The following CLMN variants were observed in gnomAD, a reference collection of about 807,000 sequenced individuals.
CLMN encodes the protein calmin (calponin-like, transmembrane).
Under a neutral mutation model 92.7 loss-of-function variants are expected in CLMN, and 57 were observed. That is an observed-to-expected ratio of 0.61 (90% confidence interval 0.50 to 0.77). The LOEUF (loss-of-function observed/expected upper bound fraction) is 0.77. CLMN is among the 30% of genes least tolerant of loss of function. CLMN has a pLI of 0.00. For missense variants in CLMN, 1,158 were observed against 1,237.5 expected (o/e 0.94, Z 0.96); for synonymous variants, 466 against 470.6 (o/e 0.99, Z 0.13).
chr14:95,194,365 A>C lies in CLMN; in HGVS notation c.2769+171T>G. 1.4e-6 allele frequency: 2 copies of C among 1,451,086 alleles called. No individual in the cohort carries two copies. Among genetic ancestry groups the C allele is most frequent in the Non-Finnish European group, 1.8e-6 (2 of 1,101,866 alleles). 89.9% of individuals were successfully genotyped at this position (1,451,086 alleles called of 1,614,324 possible). ...TTACATCTCTTATTGCCCAAACCGG[A>C]TATCCGATCGGACTGTGCTTAATGA... is the stretch of plus-strand genomic sequence containing the variant. On this transcript the variant is annotated intron_variant, in intron 11 of 12. Transcript: ENST00000298912. This position sits in a 1 kb window ranked among gnomAD's most constrained non-coding sequence, Gnocchi z 4.0.
At chr14:95,285,913 C>T (rs1900323798) in intron 1 of CLMN, among the ~76,000 whole-genome samples, 1 of 152,204 alleles carries the variant, frequency 6.6e-6, no homozygotes, top group Admixed American at 6.5e-5. Flanking sequence ...AATCCTTCTG[C>T]ACTCAGCACT....
At chr14:95,246,936 T>C (rs1189391896) in intron 1 of CLMN, among the ~76,000 whole-genome samples, 2 of 152,198 alleles carry the variant, frequency 1.3e-5, no homozygotes, top group Non-Finnish European at 2.9e-5. Flanking sequence ...TCTAACCTCA[T>C]CAATTCTAGG....
chr14:95,253,944 G>T (rs577356144), intron 1 of CLMN, among the ~76,000 whole-genome samples: 3 of 152,302 alleles, frequency 2.0e-5, no homozygotes, highest in African/African-American at 7.2e-5. Context: ...CCCAGGACCT[G>T]ACTGAAAAGA....
chr14:95,279,540 T>G (rs925982671), intron 1 of CLMN, among the ~76,000 whole-genome samples: 1 of 152,218 alleles, frequency 6.6e-6, no homozygotes, highest in Admixed American at 6.5e-5. Flanking sequence ...TCCCAGCACT[T>G]TGGGAGGCCC....
intron 12 of CLMN, chr14:95,193,555 T>A (rs1425691040): frequency 1.5e-6 from 1 of 666,460 alleles, no homozygotes; most frequent in East Asian, 2.7e-5. Context: ...CACCCTATAC[T>A]CTATACCACT....
At chr14:95,316,338 AG>A in intron 1 of CLMN, among the ~76,000 whole-genome samples, 1 of 152,376 alleles carries the variant, frequency 6.6e-6, no homozygotes, top group East Asian at 1.9e-4. Context: ...AGGGTGGCAC[AG>A]GCAGTCTGCC....
chr14:95,203,670 G>A lies in CLMN; in HGVS notation c.1679C>T (p.Pro560Leu), dbSNP rs2140575975. 1.2e-6 allele frequency: 2 copies of A among 1,614,110 alleles called. No homozygotes were observed. Among genetic ancestry groups the A allele is most frequent in the East Asian group, 4.5e-5 (2 of 44,882 alleles). ...GCTGTTAAATTTTGAGGCTTTTAAT[G>A]GGATGGCTTCAAAATAGTCTCCCTC... ...LEEGDYFEAIPLKASKFNSDL... is the reference protein window; with the variant it reads ...LEEGDYFEAILLKASKFNSDL... Residue 560 changes from proline to leucine, a missense_variant, in exon 9 of 13, where the codon CCA (proline) becomes CTA (leucine). Transcript: ENST00000298912.
At position 95,182,568 on chromosome 14, in the gene CLMN, T is replaced by C. The variant is rs892701337; in HGVS notation, c.*8996A>G. ...AGGGCAGGTGTCCCCTGCACCACATTCCCTCCCCACAGCTACCGCCCCTAC... is the reference window on the plus strand; with the variant it reads ...AGGGCAGGTGTCCCCTGCACCACATCCCCTCCCCACAGCTACCGCCCCTAC... On this transcript the variant is annotated 3_prime_UTR_variant, in exon 13 of 13. Coordinates refer to ENST00000298912, the MANE Select transcript of CLMN (RefSeq NM_024734.4). The C allele has an allele frequency of 4.0e-5, 6 of 151,606 alleles. No individual in the cohort carries two copies. Among genetic ancestry groups the C allele is most frequent in the Admixed American group, 1.3e-4 (2 of 15,220 alleles). The allele number at this position is 151,606 out of a possible 1,614,324, so 9.4% of individuals were successfully genotyped here.
At chr14:95,242,244 CTTTTTCTTTTTTTTT>C (rs1898272412) in intron 1 of CLMN, among the ~76,000 whole-genome samples, 1 of 98,882 alleles carries the variant, frequency 1.0e-5, no homozygotes, top group Non-Finnish European at 2.1e-5. Flanking sequence ...TTTCTTTTTT[CTTTTTCTTTTTTTTT>C]TTTTTTTTTT....
intron 3 of CLMN, among the ~76,000 whole-genome samples, chr14:95,223,303 G>A (rs994036354): frequency 6.6e-6 from 1 of 152,184 alleles, no homozygotes; most frequent in African/African-American, 2.4e-5. Context: ...GAGAAGTCTG[G>A]CTAATGTCCA....
intron 1 of CLMN, among the ~76,000 whole-genome samples, chr14:95,248,945 T>G (rs1898677065): frequency 6.6e-6 from 1 of 152,198 alleles, no homozygotes; most frequent in Non-Finnish European, 1.5e-5. Flanking sequence ...TGATCTTCTG[T>G]CTTCAACACC....
chr14:95,289,899 T>A (rs1900497159), intron 1 of CLMN, among the ~76,000 whole-genome samples: 1 of 152,062 alleles, frequency 6.6e-6, no homozygotes, highest in Non-Finnish European at 1.5e-5. Flanking sequence ...GCTTGTCACC[T>A]CCCCCACCAG....
intron 4 of CLMN, among the ~76,000 whole-genome samples, chr14:95,221,359 C>T (rs971753574): frequency 2.0e-5 from 3 of 152,188 alleles, no homozygotes; most frequent in Non-Finnish European, 4.4e-5. Flanking sequence ...CGGACATGCT[C>T]GCCATACTCT....
intron 8 of CLMN, among the ~76,000 whole-genome samples, chr14:95,205,603 G>A (rs891001227): frequency 9.2e-5 from 14 of 151,924 alleles, no homozygotes; most frequent in Non-Finnish European, 1.2e-4. Flanking sequence ...AAGGTATTGA[G>A]GATTAAAACA....
chr14:95,293,153 C>T lies in CLMN; in HGVS notation c.82+26558G>A, dbSNP rs1215533519. ...CCTCCCTCCTTCCCTCCCTTCTTCCCTCCTTCCCTCTCTCCTTCCTTCCCT... is the reference window on the plus strand; with the variant it reads ...CCTCCCTCCTTCCCTCCCTTCTTCCTTCCTTCCCTCTCTCCTTCCTTCCCT... On this transcript the variant is annotated intron_variant, in intron 1 of 12. Transcript: ENST00000298912. Among the ~76,000 whole-genome samples the T allele has an allele frequency of 5.3e-4, 65 of 122,444 alleles. No homozygotes were observed. In the South Asian group the frequency reaches 5.4e-3, roughly 10 times the overall value. The allele number at this position is 122,444 out of a possible 152,430, so 80.3% of individuals were successfully genotyped here. A position where few individuals can be genotyped will look rare whatever the true frequency, so the allele number is the denominator to read the frequency against.
chr14:95,203,229 C>T lies in CLMN; in HGVS notation c.2120G>A (p.Gly707Asp). ...GGGTGGGGAGGGCTTGAAATCCAGG[C>T]CTTCTTCGCTGTGACTCCCAAGGGT... Reference protein sequence around the residue: ...LETLGSHSEEGLDFKPSPPLS... With the variant: ...LETLGSHSEEDLDFKPSPPLS... Residue 707 changes from glycine (G) to aspartate (D), a missense_variant, in exon 9 of 13, where the codon GGC (glycine) becomes GAC (aspartate). Transcript: ENST00000298912. 6.2e-7 allele frequency: 1 copy of T among 1,613,850 alleles called. No individual in the cohort carries two copies. The highest frequency in any genetic ancestry group is 8.5e-7 in the Non-Finnish European group (1 of 1,180,018).
chr14:95,275,218 C>T (rs929758614), intron 1 of CLMN, among the ~76,000 whole-genome samples: 1 of 152,066 alleles, frequency 6.6e-6, no homozygotes, highest in Non-Finnish European at 1.5e-5. Flanking sequence ...TAGGCTGAGA[C>T]CTACAGGGCT....
At chr14:95,193,427 A>G in intron 12 of CLMN, 1 of 1,508,586 alleles carries the variant, frequency 6.6e-7, no homozygotes, top group South Asian at 1.2e-5. Flanking sequence ...TGCAGTGGCA[A>G]CAGAGAATGG....
chr14:95,258,563 T>C (rs1298338792), intron 1 of CLMN, among the ~76,000 whole-genome samples: 1 of 148,210 alleles, frequency 6.7e-6, no homozygotes, highest in African/African-American at 2.5e-5. Flanking sequence ...GGTGTGGTTG[T>C]GTGTGAAGGG....
Sources: gnomAD v4.1 joint callset for allele counts (sites outside exome capture counted in the v4.1 genomes callset) on GRCh38, gnomAD v4.1.1 for gene constraint, Gnocchi (gnomAD v3.1) non-coding constraint, MANE v1.5 for transcripts, NCBI Gene and HGNC (gene_info 2026-07-23, HGNC 2026-07-21) for gene names.